Variants in ANKS1B observed in about 807,000 individuals in gnomAD.
ANKS1B encodes the protein ankyrin repeat and sterile alpha motif domain-containing protein 1B.
ANKS1B carries 36 observed loss-of-function variants against 148.3 expected under a neutral mutation model. The observed-to-expected ratio is 0.24, with a 90% CI of 0.19 to 0.32. The LOEUF (loss-of-function observed/expected upper bound fraction) is 0.32. ANKS1B is among the 10% of genes least tolerant of loss of function. ANKS1B has a pLI of 1.00. For missense variants in ANKS1B, 1,157 were observed against 1,542.6 expected, an observed-to-expected ratio of 0.75 and a Z score of 4.19; for synonymous variants, 542 against 560.8, an observed-to-expected ratio of 0.97 and a Z score of 0.47.
chr12:99,697,746 A>G (rs1374173898), intron 8 of ANKS1B, among the ~76,000 whole-genome samples: 1 of 152,168 alleles, frequency 6.6e-6, no homozygotes, highest in African/African-American at 2.4e-5. Flanking sequence ...AACTTTAGTT[A>G]ATAATAATGT....
chr12:99,470,921 C>T (rs1303011446), intron 10 of ANKS1B, among the ~76,000 whole-genome samples: 1 of 152,008 alleles, frequency 6.6e-6, no homozygotes, highest in Non-Finnish European at 1.5e-5. Flanking sequence ...CATATATTTC[C>T]TTTGAAATGC....
At position 99,952,834 on chromosome 12, in the gene ANKS1B, T is replaced by A. The variant is rs572818638; in HGVS notation, c.134+31270A>T. The stretch of plus-strand genomic sequence containing the variant: ...TTCATCTTCCAAAATTTTGTTAAGA[T>A]CTCTCTTCTGCTATCCCAATTTCTT... On this transcript the variant is annotated intron_variant, in intron 1 of 26. Transcript: ENST00000683438. Among the ~76,000 whole-genome samples the A allele has an allele frequency of 2.0e-5, 3 of 152,350 alleles. No individual in the cohort carries two copies. In the South Asian group the frequency reaches 6.2e-4, roughly 32 times the overall value.
intron 6 of ANKS1B, 107 bp from the exon 7 acceptor site, chr12:99,775,768 T>C (rs1033920546): frequency 5.2e-6 from 3 of 581,068 alleles, no homozygotes; most frequent in Non-Finnish European, 5.8e-6. Context: ...TTTTTTCATA[T>C]CCTAAATATA....
intron 1 of ANKS1B, among the ~76,000 whole-genome samples, chr12:99,835,208 T>C (rs1482669856): frequency 2.0e-5 from 3 of 149,658 alleles, no homozygotes; most frequent in African/African-American, 7.4e-5. Context: ...GCCCAGGAGT[T>C]TGAGATCAGC....
At chr12:99,123,677 A>C (rs1017888251) in intron 15 of ANKS1B, among the ~76,000 whole-genome samples, 1 of 152,166 alleles carries the variant, frequency 6.6e-6, no homozygotes, top group African/African-American at 2.4e-5. Flanking sequence ...AAGAGTCCAA[A>C]AGCCGACGAA....
chr12:99,665,648 G>A (rs1005478698), intron 8 of ANKS1B, among the ~76,000 whole-genome samples: 3 of 151,868 alleles, frequency 2.0e-5, no homozygotes, highest in East Asian at 1.9e-4. Flanking sequence ...CACCACGCCC[G>A]GCTAATTTTT....
chr12:98,793,027 T>C (rs1294721183), intron 22 of ANKS1B, among the ~76,000 whole-genome samples: 1 of 152,244 alleles, frequency 6.6e-6, no homozygotes, highest in Non-Finnish European at 1.5e-5. Flanking sequence ...TCTAATTTTT[T>C]GAGAAGCCGC....
At chr12:99,395,244 C>T (rs1199519976) in intron 12 of ANKS1B, among the ~76,000 whole-genome samples, 1 of 152,130 alleles carries the variant, frequency 6.6e-6, no homozygotes, top group African/African-American at 2.4e-5. Flanking sequence ...GATTAATCCT[C>T]ATAAAATAGA....
intron 14 of ANKS1B, among the ~76,000 whole-genome samples, chr12:99,232,114 T>C (rs187010628): frequency 5.9e-5 from 9 of 152,240 alleles, no homozygotes; most frequent in Admixed American, 5.9e-4. Context: ...TAGCCACTGA[T>C]TTCAGAGCTA....
intron 1 of ANKS1B, among the ~76,000 whole-genome samples, chr12:99,844,728 TG>T (rs910931797): frequency 1.8e-4 from 27 of 152,230 alleles, no homozygotes; most frequent in African/African-American, 4.6e-4. Flanking sequence ...GGCTCTTTTT[TG>T]GTTCCTTGTG....
At chr12:99,469,145 A>G (rs1298696072) in intron 10 of ANKS1B, among the ~76,000 whole-genome samples, 3 of 151,994 alleles carry the variant, frequency 2.0e-5, no homozygotes, top group African/African-American at 4.8e-5. Context: ...TTGTAGGGAC[A>G]TGGATGAAAT....
chr12:98,961,240 G>T (rs933280619), intron 17 of ANKS1B, among the ~76,000 whole-genome samples: 2 of 152,064 alleles, frequency 1.3e-5, no homozygotes, highest in Non-Finnish European at 2.9e-5. Flanking sequence ...GATAAAGAAA[G>T]GTTCGGAAGA....
At chr12:99,123,260 T>C (rs2063421512) in intron 15 of ANKS1B, among the ~76,000 whole-genome samples, 2 of 152,018 alleles carry the variant, frequency 1.3e-5, no homozygotes, top group African/African-American at 4.8e-5. Flanking sequence ...AAAGTGCCTC[T>C]TGATATGGTG....
chr12:98,998,508 A>G (rs2099931032), intron 17 of ANKS1B, among the ~76,000 whole-genome samples: 1 of 152,340 alleles, frequency 6.6e-6, no homozygotes, highest in South Asian at 2.1e-4. Context: ...GTAAGACAAC[A>G]TATTTCTTCA....
chr12:99,800,441 C>CAAAAAAA (rs138056927), intron 4 of ANKS1B, among the ~76,000 whole-genome samples: 1 of 86,750 alleles, frequency 1.2e-5, no homozygotes, highest in African/African-American at 4.3e-5. Flanking sequence ...ATACAGAAGC[C>CAAAAAAA]AAAAAAAAAA....
chr12:99,865,257 C>T (rs2090575731), intron 1 of ANKS1B, among the ~76,000 whole-genome samples: 1 of 152,096 alleles, frequency 6.6e-6, no homozygotes, highest in African/African-American at 2.4e-5. Context: ...TTACACTTTG[C>T]CATATTATGT....
chr12:99,620,368 C>G (rs1316033746), intron 9 of ANKS1B, among the ~76,000 whole-genome samples: 3 of 152,134 alleles, frequency 2.0e-5, no homozygotes, highest in African/African-American at 7.2e-5. Context: ...AGCTCTCCAG[C>G]AATGGTCCCT....
chr12:98,746,293 G>A (rs973774581), intron 26 of ANKS1B, among the ~76,000 whole-genome samples: 1 of 152,118 alleles, frequency 6.6e-6, no homozygotes, highest in Admixed American at 6.5e-5. Flanking sequence ...GTGACCTCCA[G>A]TACCCCTGCC....
At chr12:98,993,308 C>T (rs1382402095) in intron 17 of ANKS1B, among the ~76,000 whole-genome samples, 2 of 152,160 alleles carry the variant, frequency 1.3e-5, no homozygotes, top group Non-Finnish European at 2.9e-5. Context: ...GCTGGTATTA[C>T]AGCTGCACGC....
Sources: gnomAD v4.1 joint callset for allele counts (sites outside exome capture counted in the v4.1 genomes callset) on GRCh38, gnomAD v4.1.1 for gene constraint, MANE v1.5 for transcripts, NCBI Gene and HGNC (gene_info 2026-07-23, HGNC 2026-07-21) for gene names.